CCDC33: variants seen among roughly 807,000 people sequenced by gnomAD.
CCDC33 encodes coiled-coil domain containing 33, also known as coiled-coil domain-containing protein 33.
Under a neutral mutation model 91.9 loss-of-function variants are expected in CCDC33, and 94 were observed. The observed-to-expected ratio is 1.02, with a 90% CI of 0.87 to 1.21. The LOEUF (loss-of-function observed/expected upper bound fraction) is 1.21. Among genes scored for constraint, CCDC33 ranks in the 50% most tolerant of loss-of-function variants. The pLI is 0.00. For missense variants in CCDC33, 940 were observed against 935.5 expected, an observed-to-expected ratio of 1.00 and a Z score of -0.06; for synonymous variants, 396 against 374.5, an observed-to-expected ratio of 1.06 and a Z score of -0.66.
Position 74,266,813 on chromosome 15 carries a change from CGG to C in CCDC33, c.429+28_429+29del, listed in dbSNP as rs1566982370. On this transcript the variant is annotated intron_variant, in intron 4 of 18. Transcript: ENST00000398814. ...GTGAGTCAGAGGCCTGGGGAAGTGC[CGG>C]GAGAGCAGGTGGGAACCACCTTGAA... 3 of 1,563,746 alleles carry C rather than the reference CGG, an allele frequency of 1.9e-6. No individual in the cohort carries two copies. In the South Asian group the frequency reaches 3.3e-5, roughly 17 times the overall value.
chr15:74,256,119 C>G (rs979131518), intron 2 of CCDC33, among the ~76,000 whole-genome samples: 1 of 152,142 alleles, frequency 6.6e-6, no homozygotes, highest in African/African-American at 2.4e-5. Flanking sequence ...TGGGGAGGCG[C>G]CAGGAATCAT....
chr15:74,336,033 GCTAA>G lies in CCDC33; in HGVS notation c.2251_2254del (p.Asn751LeufsTer34). 3.1e-6 allele frequency: 5 copies of G among 1,613,782 alleles called. No individual in the cohort carries two copies. Among genetic ancestry groups the G allele is most frequent in the Middle Eastern group, 1.6e-4 (1 of 6,062 alleles). On this transcript the variant is annotated frameshift_variant, in exon 19 of 19. Transcript: ENST00000398814. LOFTEE classifies it high-confidence loss of function. ...GCCCTTGAGCCCCCAGAAGGAGACCGCTAACTCTCAGCAGACCTGAGCCCCAGAG... is the reference window on the plus strand; with the variant it reads ...GCCCTTGAGCCCCCAGAAGGAGACCGCTCTCAGCAGACCTGAGCCCCAGAG...
At chr15:74,257,081 T>C (rs2075888515) in intron 2 of CCDC33, among the ~76,000 whole-genome samples, 1 of 152,228 alleles carries the variant, frequency 6.6e-6, no homozygotes, top group Non-Finnish European at 1.5e-5. Flanking sequence ...GCTGCTGGCC[T>C]CCAGTTGGTG....
At position 74,208,096 on chromosome 15, in the gene CCDC33, T is replaced by G. The variant is rs553889293; in HGVS notation, n.90-1292T>G. On this transcript the variant is annotated intron_variant and non_coding_transcript_variant, in intron 1 of 3. Transcript: ENST00000558645. ...GCTGTTCTGGTATGAGGGTGGACAC[T>G]GGTGAGGAGGAGGAGGGTAGCCGGC... 4.2e-6 allele frequency: 5 copies of G among 1,176,916 alleles called. No homozygotes were observed. In the African/African-American group the frequency reaches 6.3e-5, roughly 15 times the overall value. The allele number at this position is 1,176,916 out of a possible 1,614,324, so 72.9% of individuals were successfully genotyped here.
At chr15:74,217,547 C>T (rs1372792142) in exon 1 of CCDC33, 2 of 1,260,596 alleles carry the variant, frequency 1.6e-6, no homozygotes, top group African/African-American at 3.1e-5. Context: ...GCCTCACCCT[C>T]ACCAGGAGCA....
In CCDC33 at chr15:74,316,195, G is replaced by A. The variant is rs1255294672; in HGVS notation, c.1291-13994G>A. ...GGGCCTCCCTGGCTTCATGGGGCAGGCTCAAGTCCCTCAAGGGCGCGGCTT... is the reference window on the plus strand; with the variant it reads ...GGGCCTCCCTGGCTTCATGGGGCAGACTCAAGTCCCTCAAGGGCGCGGCTT... On this transcript the variant is annotated intron_variant, in intron 11 of 18. Transcript: ENST00000398814. The surrounding 1 kb of genome is among the most constrained non-coding windows in gnomAD (Gnocchi z 4.7). Among the ~76,000 whole-genome samples the A allele has an allele frequency of 1.3e-5, 2 of 152,166 alleles. No homozygotes were observed. Among genetic ancestry groups the A allele is most frequent in the Non-Finnish European group, 2.9e-5 (2 of 68,016 alleles).
chr15:74,209,195 G>A (rs764729127), intron 1 of CCDC33, among the ~76,000 whole-genome samples: 3 of 152,160 alleles, frequency 2.0e-5, no homozygotes, highest in South Asian at 2.1e-4. Context: ...CACACAGGGC[G>A]GCTTGTCTCC....
rs777062154 is a variant in CCDC33, at chr15:74,316,566, C to A, written c.1291-13623C>A. ...TCTTGCCCCAGGATCTTGGGGATAG[C>A]AGGGGGCACACACCCATTTCCCTGG... On this transcript the variant is annotated intron_variant, in intron 11 of 18. Coordinates refer to ENST00000398814, the MANE Select transcript of CCDC33 (RefSeq NM_025055.5). The surrounding 1 kb of genome is among the most constrained non-coding windows in gnomAD (Gnocchi z 4.7). 2.0e-4 allele frequency among the ~76,000 whole-genome samples: 31 copies of A among 152,116 alleles called. No homozygotes were observed. The highest frequency in any genetic ancestry group is 3.4e-4 in the Non-Finnish European group (23 of 67,994).
chr15:74,316,020 T>C lies in CCDC33; in HGVS notation c.1291-14169T>C, dbSNP rs1372100404. 6.6e-6 allele frequency among the ~76,000 whole-genome samples: 1 copy of C among 152,178 alleles called. No homozygotes were observed. The highest frequency in any genetic ancestry group is 2.4e-5 in the African/African-American group (1 of 41,448). ...GGGACCCCCTGAAGGAGGACATCCC[T>C]TAGCTCCACAAAGAGCCCTGCCCTA... On this transcript the variant is annotated intron_variant, in intron 11 of 18. Coordinates refer to ENST00000398814, the MANE Select transcript of CCDC33 (RefSeq NM_025055.5). This position sits in a 1 kb window ranked among gnomAD's most constrained non-coding sequence, Gnocchi z 4.7.
At chr15:74,261,383 C>T (rs1017266641) in intron 2 of CCDC33, among the ~76,000 whole-genome samples, 1 of 152,178 alleles carries the variant, frequency 6.6e-6, no homozygotes, top group African/African-American at 2.4e-5. Context: ...CTGGGAAGAA[C>T]CATGTTGGTA....
At chr15:74,278,019 G>T (rs2076493641) in intron 7 of CCDC33, among the ~76,000 whole-genome samples, 1 of 152,150 alleles carries the variant, frequency 6.6e-6, no homozygotes, top group Non-Finnish European at 1.5e-5. Flanking sequence ...CATGGTTTGG[G>T]GATCAATCTT....
intron 10 of CCDC33, among the ~76,000 whole-genome samples, chr15:74,291,440 T>C (rs1457596011): frequency 6.6e-6 from 1 of 152,262 alleles, no homozygotes; most frequent in Non-Finnish European, 1.5e-5. Flanking sequence ...GGACTCACTT[T>C]GTTAGATACC....
intron 10 of CCDC33, among the ~76,000 whole-genome samples, chr15:74,288,568 G>C (rs1452522515): frequency 6.6e-6 from 1 of 152,194 alleles, no homozygotes; most frequent in African/African-American, 2.4e-5. Context: ...GTCCAACTCT[G>C]GCACATCAGT....
intron 2 of CCDC33, among the ~76,000 whole-genome samples, chr15:74,220,454 A>G (rs2074558823): frequency 6.6e-6 from 1 of 152,146 alleles, no homozygotes; most frequent in East Asian, 1.9e-4. Context: ...CTGGTGTCCT[A>G]CAGTTTGTCA....
intron 2 of CCDC33, among the ~76,000 whole-genome samples, chr15:74,248,789 G>T (rs2075616280): frequency 6.6e-6 from 1 of 152,120 alleles, no homozygotes; most frequent in Admixed American, 6.6e-5. Context: ...CATCTTGGGG[G>T]TCAGCCTGTC....
intron 11 of CCDC33, chr15:74,318,751 G>A (rs1205481307): frequency 1.5e-6 from 1 of 687,710 alleles, no homozygotes; most frequent in Non-Finnish European, 2.7e-6. Flanking sequence ...AACCAGTAGA[G>A]GTGTTCCCAG....
intron 2 of CCDC33, among the ~76,000 whole-genome samples, chr15:74,255,981 CCTT>C (rs2075848704): frequency 6.6e-6 from 1 of 152,222 alleles, no homozygotes; most frequent in Admixed American, 6.5e-5. Flanking sequence ...GTGGTCTGTC[CCTT>C]CTTCTTTCTT....
intron 13 of CCDC33, 42 bp from the exon 14 acceptor site, chr15:74,330,939 A>G: frequency 6.4e-7 from 1 of 1,556,948 alleles, no homozygotes; most frequent in Non-Finnish European, 8.7e-7. Context: ...GTGGACTCCC[A>G]GGCACCCATT....
chr15:74,260,733 C>T (rs1209126179), intron 2 of CCDC33, among the ~76,000 whole-genome samples: 1 of 152,196 alleles, frequency 6.6e-6, no homozygotes, highest in Non-Finnish European at 1.5e-5. Flanking sequence ...AGCAGCCAGA[C>T]ATTCCCAATT....
Sources: gnomAD v4.1 joint callset for allele counts (sites outside exome capture counted in the v4.1 genomes callset) on GRCh38, gnomAD v4.1.1 for gene constraint, Gnocchi (gnomAD v3.1) non-coding constraint, MANE v1.5 for transcripts, NCBI Gene and HGNC (gene_info 2026-07-23, HGNC 2026-07-21) for gene names.